Variants in TMEM163 observed in about 807,000 individuals in gnomAD.
TMEM163 encodes transmembrane protein 163.
A neutral mutation model predicts 29.3 loss-of-function variants in TMEM163; 17 were observed. The ratio of observed to expected loss-of-function variants is 0.58; its 90% confidence interval spans 0.40 to 0.87. TMEM163 has a LOEUF of 0.87. TMEM163 is among the 40% of genes least tolerant of loss of function. TMEM163 has a pLI of 0.00. For missense variants in TMEM163, 303 were observed against 381.5 expected (o/e 0.79, Z 1.71); for synonymous variants, 157 against 160.6 (o/e 0.98, Z 0.17).
At chr2:134,632,630 C>A (rs1026716579) in intron 2 of TMEM163, among the ~76,000 whole-genome samples, 2 of 152,172 alleles carry the variant, frequency 1.3e-5, no homozygotes, top group Non-Finnish European at 2.9e-5. Context: ...GCTGTGTCCT[C>A]AAAGGGTGGA....
intron 2 of TMEM163, among the ~76,000 whole-genome samples, chr2:134,705,357 T>C (rs1384063809): frequency 6.6e-6 from 1 of 151,940 alleles, no homozygotes; most frequent in Non-Finnish European, 1.5e-5. Flanking sequence ...GGTGTCCTCA[T>C]AGTAAGAGGA....
intron 5 of TMEM163, among the ~76,000 whole-genome samples, chr2:134,475,624 T>G (rs1686896360): frequency 6.6e-6 from 1 of 152,166 alleles, no homozygotes; most frequent in Admixed American, 6.5e-5. Flanking sequence ...ATTTAATAAT[T>G]TCTACATCTC....
intron 3 of TMEM163, 66 bp downstream of exon 3, chr2:134,551,982 G>C: frequency 7.4e-7 from 1 of 1,344,814 alleles, no homozygotes. Context: ...GAGGGCTCAG[G>C]GTGAGGTTTA....
intron 2 of TMEM163, among the ~76,000 whole-genome samples, chr2:134,615,606 C>T (rs772848197): frequency 6.6e-6 from 1 of 151,180 alleles, no homozygotes; most frequent in African/African-American, 2.4e-5. Context: ...GTTGAGCAAC[C>T]TTTCCACTTG....
chr2:134,506,774 T>G (rs937985941), intron 4 of TMEM163, among the ~76,000 whole-genome samples: 1 of 152,172 alleles, frequency 6.6e-6, no homozygotes, highest in Non-Finnish European at 1.5e-5. Context: ...TATGACTGCT[T>G]ATGCATCTGC....
chr2:134,557,696 G>T (rs903323754), intron 2 of TMEM163, among the ~76,000 whole-genome samples: 1 of 152,106 alleles, frequency 6.6e-6, no homozygotes, highest in African/African-American at 2.4e-5. Context: ...TTACACCTTT[G>T]CCCAGCTTGG....
In TMEM163 at chr2:134,465,363, G is replaced by T. The variant is rs1408878324; in HGVS notation, c.667+751C>A. Reference sequence around the variant, plus strand: ...TATTTCTGCTCTATTTTGTGCAGATGCACCCACCAACCCACCAACCCACAA... The same window carrying T: ...TATTTCTGCTCTATTTTGTGCAGATTCACCCACCAACCCACCAACCCACAA... On this transcript the variant is annotated intron_variant, in intron 6 of 7. Coordinates refer to ENST00000281924, the MANE Select transcript of TMEM163 (RefSeq NM_030923.5). Among the ~76,000 whole-genome samples, 5 of 152,222 alleles carry T rather than the reference G, an allele frequency of 3.3e-5. No individual in the cohort carries two copies. In the East Asian group the frequency reaches 9.7e-4, roughly 29 times the overall value.
chr2:134,603,300 AT>A (rs1242450568), intron 2 of TMEM163, among the ~76,000 whole-genome samples: 1 of 152,210 alleles, frequency 6.6e-6, no homozygotes, highest in Non-Finnish European at 1.5e-5. Flanking sequence ...CATAAACATT[AT>A]TTTAAAATGC....
intron 2 of TMEM163, among the ~76,000 whole-genome samples, chr2:134,576,282 T>C (rs536002930): frequency 6.6e-6 from 1 of 152,258 alleles, no homozygotes; most frequent in East Asian, 1.9e-4. Context: ...TTCTACGAAG[T>C]GGTTTTAGTC....
intron 4 of TMEM163, among the ~76,000 whole-genome samples, chr2:134,522,904 C>T (rs1237379076): frequency 3.9e-5 from 6 of 152,150 alleles, no homozygotes; most frequent in South Asian, 2.1e-4. Context: ...AGAAAAATGC[C>T]GTGTGGCTTT....
intron 2 of TMEM163, among the ~76,000 whole-genome samples, chr2:134,553,449 A>C (rs548815424): frequency 6.6e-6 from 1 of 152,210 alleles, no homozygotes; most frequent in Non-Finnish European, 1.5e-5. Context: ...TAGTTGGTCA[A>C]TCTATGTGGT....
chr2:134,556,574 C>T, intron 2 of TMEM163, among the ~76,000 whole-genome samples: 1 of 152,158 alleles, frequency 6.6e-6, no homozygotes, highest in Non-Finnish European at 1.5e-5. Flanking sequence ...AATCCCAGCA[C>T]TTAGGGAGGC....
intron 5 of TMEM163, among the ~76,000 whole-genome samples, chr2:134,492,983 A>T (rs1679462204): frequency 6.6e-6 from 1 of 152,216 alleles, no homozygotes; most frequent in Non-Finnish European, 1.5e-5. Context: ...TAAGAGTTCC[A>T]GATGCATCAC....
chr2:134,596,326 A>T (rs1287293970), intron 2 of TMEM163, among the ~76,000 whole-genome samples: 1 of 152,182 alleles, frequency 6.6e-6, no homozygotes, highest in South Asian at 2.1e-4. Context: ...CAGCTTTCTA[A>T]GTATGGCTAG....
intron 2 of TMEM163, among the ~76,000 whole-genome samples, chr2:134,603,009 T>C (rs1358860329): frequency 6.6e-6 from 1 of 152,166 alleles, no homozygotes; most frequent in Non-Finnish European, 1.5e-5. Flanking sequence ...AAGTTAAAAC[T>C]GTATGTCCAA....
At chr2:134,596,852 G>T (rs1682096520) in intron 2 of TMEM163, among the ~76,000 whole-genome samples, 1 of 152,070 alleles carries the variant, frequency 6.6e-6, no homozygotes, top group African/African-American at 2.4e-5. Context: ...TGGATTCCTA[G>T]GTATTTTATT....
At chr2:134,656,721 G>A (rs1683628710) in intron 2 of TMEM163, among the ~76,000 whole-genome samples, 1 of 152,156 alleles carries the variant, frequency 6.6e-6, no homozygotes, top group African/African-American at 2.4e-5. Flanking sequence ...TATGACTTTG[G>A]CTGTGGGTAT....
intron 2 of TMEM163, among the ~76,000 whole-genome samples, chr2:134,660,072 C>T (rs947631225): frequency 1.3e-5 from 2 of 152,006 alleles, no homozygotes; most frequent in African/African-American, 4.8e-5. Context: ...TGGACATGAG[C>T]GGGGATCATG....
At chr2:134,646,820 T>C (rs1051055812) in intron 2 of TMEM163, among the ~76,000 whole-genome samples, 3 of 152,178 alleles carry the variant, frequency 2.0e-5, no homozygotes, top group Admixed American at 2.0e-4. Flanking sequence ...TGTGGTTGGA[T>C]TCATGATGAA....
Sources: allele counts gnomAD v4.1 joint callset (sites outside exome capture counted in the v4.1 genomes callset), GRCh38; gene constraint gnomAD v4.1.1; transcripts MANE v1.5; gene names NCBI Gene and HGNC (gene_info 2026-07-23, HGNC 2026-07-21).